Variants in TNFRSF9 observed in about 807,000 individuals in gnomAD.
The protein encoded by TNFRSF9 is tumor necrosis factor receptor superfamily member 9.
TNFRSF9 carries 16 observed loss-of-function variants against 28.8 expected under a neutral mutation model. The observed-to-expected ratio is 0.55, with a 90% CI of 0.38 to 0.84. The LOEUF (loss-of-function observed/expected upper bound fraction) is 0.84. TNFRSF9 is among the 40% of genes least tolerant of loss of function. The pLI is 0.00. For synonymous variants in TNFRSF9, 131 were observed against 117.0 expected (o/e 1.12, Z -0.77); for missense variants, 303 against 315.0 (o/e 0.96, Z 0.29).
In TNFRSF9 at chr1:7,915,881, TTATTC is replaced by T. The variant is rs1351752459; in HGVS notation, c.*4949_*4953del. On this transcript the variant is annotated 3_prime_UTR_variant, in exon 8 of 8. Coordinates refer to ENST00000377507, the MANE Select transcript of TNFRSF9 (RefSeq NM_001561.6). Reference sequence around the variant, plus strand: ...CTTTTTAAAATAAGGTCTTTTTTTCTTATTCTTTTTTTCCTGTGAACATCATAGTT... The same window carrying T: ...CTTTTTAAAATAAGGTCTTTTTTTCTTTTTTTTCCTGTGAACATCATAGTT... 2.6e-5 allele frequency: 4 copies of T among 152,208 alleles called. No individual in the cohort carries two copies. The highest frequency in any genetic ancestry group is 4.4e-5 in the Non-Finnish European group (3 of 68,024). The allele number at this position is 152,208 out of a possible 1,614,324, so 9.4% of individuals were successfully genotyped here.
chr1:7,932,659 G>A (rs1039606911), intron 7 of TNFRSF9, among the ~76,000 whole-genome samples: 22 of 150,458 alleles, frequency 1.5e-4, no homozygotes, highest in African/African-American at 5.1e-4. Context: ...TCCTCCACAC[G>A]CACACACACA....
intron 7 of TNFRSF9, among the ~76,000 whole-genome samples, chr1:7,928,794 G>T (rs554712444): frequency 6.6e-6 from 1 of 152,252 alleles, no homozygotes; most frequent in East Asian, 1.9e-4. Flanking sequence ...CACGAAAATC[G>T]CTGGAACCCA....
intron 2 of TNFRSF9, among the ~76,000 whole-genome samples, chr1:7,939,436 G>C (rs1411728039): frequency 1.3e-5 from 2 of 152,052 alleles, no homozygotes; most frequent in African/African-American, 4.8e-5. Flanking sequence ...TGATTATCTT[G>C]ATTGATGTAG....
intron 7 of TNFRSF9, among the ~76,000 whole-genome samples, chr1:7,932,144 G>GA (rs927292866): frequency 1.7e-4 from 26 of 149,472 alleles, no homozygotes; most frequent in Admixed American, 1.0e-3. Context: ...TCTCAAAAAA[G>GA]AAAAAAAAAG....
In TNFRSF9 at chr1:7,920,001, A is replaced by G. The variant is rs1639533108; in HGVS notation, c.*834T>C. ...ATATACAGACACTTGAACTCTTTCC[A>G]AAACTTCCTCCAGGCCTGAGGTTTT... is the stretch of plus-strand genomic sequence containing the variant. On this transcript the variant is annotated 3_prime_UTR_variant, in exon 8 of 8. Coordinates refer to ENST00000377507, the MANE Select transcript of TNFRSF9 (RefSeq NM_001561.6). 6.6e-6 allele frequency: 1 copy of G among 152,350 alleles called. No individual in the cohort carries two copies. Among genetic ancestry groups the G allele is most frequent in the Admixed American group, 6.6e-5 (1 of 15,264 alleles). The allele number at this position is 152,350 out of a possible 1,614,324, so 9.4% of individuals were successfully genotyped here. A position where few individuals can be genotyped will look rare whatever the true frequency, so the allele number is the denominator to read the frequency against.
At chr1:7,925,229 A>G (rs1578071130) in intron 7 of TNFRSF9, among the ~76,000 whole-genome samples, 1 of 151,718 alleles carries the variant, frequency 6.6e-6, no homozygotes, top group Non-Finnish European at 1.5e-5. Context: ...AATCACTTGA[A>G]CCTGGGAGGT....
At chr1:7,924,066 AG>A (rs1431829580) in intron 7 of TNFRSF9, among the ~76,000 whole-genome samples, 8 of 152,046 alleles carry the variant, frequency 5.3e-5, no homozygotes, top group Non-Finnish European at 1.2e-4. Context: ...GGAGCTGAAA[AG>A]TTCCTATTGC....
chr1:7,938,830 TAAGA>T lies in TNFRSF9; in HGVS notation c.101-6_101-3del, dbSNP rs555590077. The stretch of plus-strand genomic sequence containing the variant: ...TCCTGTTATTATCACAGAATGTACC[TAAGA>T]AAGGCAGACAATAGTGGTACACGTT... On this transcript the variant is annotated splice_polypyrimidine_tract_variant and splice_region_variant and intron_variant, in intron 2 of 7. Transcript: ENST00000377507. 165 of 1,605,940 alleles carry T rather than the reference TAAGA, an allele frequency of 1.0e-4. No individual in the cohort carries two copies. The African/African-American group carries it at 2.1e-3, about 20-fold the overall frequency.
At chr1:7,928,731 T>A (rs536929455) in intron 7 of TNFRSF9, among the ~76,000 whole-genome samples, 34 of 151,618 alleles carry the variant, frequency 2.2e-4, no homozygotes, top group Admixed American at 1.9e-3. Context: ...GTCTCTACTA[T>A]AGCCGGGCAT....
chr1:7,927,279 CAA>C (rs1639668804), intron 7 of TNFRSF9, among the ~76,000 whole-genome samples: 1 of 152,146 alleles, frequency 6.6e-6, no homozygotes, highest in Non-Finnish European at 1.5e-5. Flanking sequence ...ACCTATTGTT[CAA>C]AGGATGCAGT....
Position 7,938,825 on chromosome 1 carries a change from G to A in TNFRSF9, c.104C>T (p.Thr35Ile). ...CTGATTCCTGTTATTATCACAGAAT[G>A]TACCTAAGAAAGGCAGACAATAGTG... ...QDPCSNCPAG[T>I]FCDNNRNQIC... is the part of the protein sequence containing the mutation. Residue 35 changes from threonine (T) to isoleucine (I), a missense_variant, in exon 3 of 8, where the codon ACA (threonine) becomes ATA (isoleucine). By Grantham distance (89) the Thr-to-Ile change is moderately conservative (BLOSUM62 -1). Coordinates refer to ENST00000377507, the MANE Select transcript of TNFRSF9 (RefSeq NM_001561.6). The A allele has an allele frequency of 1.2e-6, 2 of 1,610,428 alleles. No homozygotes were observed. Among genetic ancestry groups the A allele is most frequent in the African/African-American group, 1.3e-5 (1 of 74,996 alleles).
In TNFRSF9 at chr1:7,921,056, C is replaced by T. The variant is rs1360694404; in HGVS notation, c.680-133G>A. ...TCCCCTTTAATTTTAACAAACTCAG[C>T]CAGGCGTGGTGGCTCATGCCTGTAA... On this transcript the variant is annotated intron_variant, in intron 7 of 7. Transcript: ENST00000377507. 4.5e-6 allele frequency: 3 copies of T among 671,648 alleles called. No individual in the cohort carries two copies. In the East Asian group the frequency reaches 8.8e-5, roughly 20 times the overall value. 41.6% of individuals were successfully genotyped at this position (671,648 alleles called of 1,614,324 possible). A position where few individuals can be genotyped will look rare whatever the true frequency, so the allele number is the denominator to read the frequency against.
chr1:7,937,962 T>C (rs1165871883), intron 4 of TNFRSF9, among the ~76,000 whole-genome samples: 1 of 152,232 alleles, frequency 6.6e-6, no homozygotes, highest in East Asian at 1.9e-4. Flanking sequence ...TGAAGATTAA[T>C]GGTTCTGGCA....
chr1:7,938,512 T>C (rs912586397), intron 3 of TNFRSF9, among the ~76,000 whole-genome samples, 182 bp from the exon 4 acceptor site: 2 of 152,242 alleles, frequency 1.3e-5, no homozygotes, highest in African/African-American at 2.4e-5. Context: ...AACTTCTCTC[T>C]TGTCAAATGA....
At chr1:7,938,028 A>G (rs1229113911) in intron 4 of TNFRSF9, among the ~76,000 whole-genome samples, 165 bp downstream of exon 4, 1 of 152,192 alleles carries the variant, frequency 6.6e-6, no homozygotes, top group Non-Finnish European at 1.5e-5. Flanking sequence ...TAACGGAAAT[A>G]TTTTATTAAT....
At chr1:7,921,019 C>G in intron 7 of TNFRSF9, 96 bp from the exon 8 acceptor site, 1 of 892,430 alleles carries the variant, frequency 1.1e-6, no homozygotes, top group Non-Finnish European at 1.8e-6. Flanking sequence ...CATCTCTAAG[C>G]AGCAAACATT....
intron 7 of TNFRSF9, among the ~76,000 whole-genome samples, chr1:7,931,357 C>A (rs1428765214): frequency 6.6e-6 from 1 of 152,154 alleles, no homozygotes; most frequent in Admixed American, 6.6e-5. Flanking sequence ...TGTAATAACC[C>A]CAAGCTGGAA....
chr1:7,931,337 C>T (rs1022834916), intron 7 of TNFRSF9, among the ~76,000 whole-genome samples: 2 of 152,188 alleles, frequency 1.3e-5, no homozygotes, highest in African/African-American at 4.8e-5. Flanking sequence ...AATATTCAAA[C>T]GTCATTACAT....
At chr1:7,938,590 G>A in intron 3 of TNFRSF9, 131 bp downstream of exon 3, 1 of 845,640 alleles carries the variant, frequency 1.2e-6, no homozygotes, top group South Asian at 1.9e-5. Context: ...TATTGTCCTA[G>A]ACCTGCTGGT....
Sources: allele counts gnomAD v4.1 joint callset (sites outside exome capture counted in the v4.1 genomes callset), GRCh38; gene constraint gnomAD v4.1.1; transcripts MANE v1.5; gene names NCBI Gene and HGNC (gene_info 2026-07-23, HGNC 2026-07-21).